Variants in USP9X observed in about 807,000 individuals in gnomAD.
The protein encoded by USP9X is ubiquitin specific peptidase 9 X-linked.
USP9X carries 7 observed loss-of-function variants against 190.3 expected under a neutral mutation model. That is an observed-to-expected ratio of 0.04 (90% CI 0.02 to 0.07). The LOEUF (loss-of-function observed/expected upper bound fraction) is 0.07. USP9X is among the 10% of genes least tolerant of loss of function. The probability of loss-of-function intolerance (pLI) is 1.00; values close to 1 mark genes in which losing one functional copy is unlikely to be tolerated. For missense variants in USP9X, 1,010 were observed against 1,916.9 expected (o/e 0.53, Z 8.83); for synonymous variants, 645 against 659.5 (o/e 0.98, Z 0.34).
At chrX:41,175,772 T>C (rs770155519) in intron 21 of USP9X, among the ~76,000 whole-genome samples, 38 of 110,166 alleles carry the variant, frequency 3.4e-4, no homozygotes, top group Admixed American at 1.1e-3. Flanking sequence ...ACTATATATA[T>C]ACACACACAC....
chrX:41,189,328 C>G lies in USP9X; in HGVS notation c.3830C>G (p.Pro1277Arg). 1.7e-6 allele frequency: 2 copies of G among 1,209,695 alleles called. No homozygotes were observed. Among genetic ancestry groups the G allele is most frequent in the Non-Finnish European group, 2.2e-6 (2 of 894,463 alleles). ...IYEKTNAGNE[P>R]DLEDEQVCCE... Reference sequence around the variant, plus strand: ...TTACAGACCAATGCAGGCAATGAGCCAGACTTGGAAGACGAACAGGTTTGC... The same window carrying G: ...TTACAGACCAATGCAGGCAATGAGCGAGACTTGGAAGACGAACAGGTTTGC... The change falls in exon 26 of 45, where the codon CCA (proline) becomes CGA (arginine). Residue 1277 changes from proline to arginine, a missense_variant. By Grantham distance (103) the Pro-to-Arg change is moderately radical (BLOSUM62 -2). Coordinates refer to ENST00000378308, the MANE Select transcript of USP9X (RefSeq NM_001039591.3).
chrX:41,229,837 T>C (rs1602059361), intron 43 of USP9X, 58 bp downstream of exon 43: 1 of 1,204,138 alleles, frequency 8.3e-7, no homozygotes, highest in Non-Finnish European at 1.1e-6. Context: ...AGTAATTCTT[T>C]ATTTTATAGG....
chrX:41,208,852 C>T (rs895426321), intron 32 of USP9X, among the ~76,000 whole-genome samples: 3 of 110,199 alleles, frequency 2.7e-5, no homozygotes, highest in South Asian at 3.9e-4. Flanking sequence ...GGACTACAGG[C>T]GCCTGCCACC....
chrX:41,102,786 C>G (rs2062043614), intron 1 of USP9X, among the ~76,000 whole-genome samples: 1 of 93,605 alleles, frequency 1.1e-5, no homozygotes, highest in African/African-American at 3.9e-5. Context: ...TAACAGATAA[C>G]TTTGAGTTTA....
intron 1 of USP9X, among the ~76,000 whole-genome samples, chrX:41,088,384 A>G (rs1024170603): frequency 1.8e-5 from 2 of 111,987 alleles, no homozygotes; most frequent in African/African-American, 6.5e-5. Context: ...GGTGGTAATA[A>G]TGCAGCTTAT....
At chrX:41,091,543 TAGAA>T in intron 1 of USP9X, among the ~76,000 whole-genome samples, 1 of 112,722 alleles carries the variant, frequency 8.9e-6, no homozygotes, top group Non-Finnish European at 1.9e-5. Context: ...CCTTAGCACC[TAGAA>T]AGTGCCTGGC....
intron 12 of USP9X, among the ~76,000 whole-genome samples, chrX:41,150,101 A>G (rs1014904724): frequency 9.9e-5 from 11 of 110,719 alleles, no homozygotes; most frequent in African/African-American, 3.6e-4. Context: ...TGCTGCCGAA[A>G]AAGGAATATC....
intron 31 of USP9X, among the ~76,000 whole-genome samples, chrX:41,202,194 A>G (rs1296188331): frequency 1.8e-5 from 2 of 112,009 alleles, no homozygotes; most frequent in African/African-American, 6.5e-5. Flanking sequence ...TTTCCCTTAG[A>G]TCATAGCTCT....
At chrX:41,172,215 G>A (rs1016435144) in intron 21 of USP9X, among the ~76,000 whole-genome samples, 2 of 111,526 alleles carry the variant, frequency 1.8e-5, no homozygotes, top group African/African-American at 6.5e-5. Flanking sequence ...AAATTTTAGT[G>A]TCCATGATCA....
intron 1 of USP9X, among the ~76,000 whole-genome samples, chrX:41,120,207 C>T (rs1034368107): frequency 5.4e-5 from 6 of 111,048 alleles, no homozygotes; most frequent in Non-Finnish European, 9.4e-5. Flanking sequence ...CTATGGACTC[C>T]CTGGGTTGGA....
intron 31 of USP9X, among the ~76,000 whole-genome samples, chrX:41,201,996 A>T (rs1250001101): frequency 2.7e-5 from 3 of 111,933 alleles, no homozygotes; most frequent in Non-Finnish European, 5.7e-5. Context: ...CAGTTAATGT[A>T]CTCGTGTTTT....
At chrX:41,211,876 G>A (rs1446104769) in intron 33 of USP9X, among the ~76,000 whole-genome samples, 6 of 108,793 alleles carry the variant, frequency 5.5e-5, no homozygotes, top group Non-Finnish European at 1.2e-4. Flanking sequence ...CGCCCCATCC[G>A]GGAGGTGAGG....
At chrX:41,149,197 G>A (rs1015134879) in intron 12 of USP9X, among the ~76,000 whole-genome samples, 1 of 111,887 alleles carries the variant, frequency 8.9e-6, no homozygotes, top group Admixed American at 9.4e-5. Flanking sequence ...TGACAGTTCG[G>A]TAAGTATTTA....
At position 41,144,596 on chromosome X, in the gene USP9X, A is replaced by G. The variant is rs868004971; in HGVS notation, c.1389A>G (p.Glu463=). 8.3e-7 allele frequency: 1 copy of G among 1,206,420 alleles called. No homozygotes were observed. Among genetic ancestry groups the G allele is most frequent in the African/African-American group, 1.8e-5 (1 of 56,962 alleles). Residue 463 remains glutamate (E), a synonymous_variant, in exon 11 of 45, where the codon GAA becomes GAG. Transcript: ENST00000378308. ...LAKLAWDFSP[E]QLDHLFDCFK... ...AATTGGCATGGGATTTTTCTCCTGA[A>G]CAACTTGATCATCTTTTTGATTGTT...
intron 31 of USP9X, among the ~76,000 whole-genome samples, chrX:41,203,038 C>T (rs1034293145): frequency 9.0e-6 from 1 of 111,210 alleles, no homozygotes; most frequent in African/African-American, 3.3e-5. Context: ...ATTTCTATAT[C>T]AGAGTTATCA....
At chrX:41,146,777 T>C (rs758283506) in intron 11 of USP9X, among the ~76,000 whole-genome samples, 1 of 103,111 alleles carries the variant, frequency 9.7e-6, no homozygotes, top group South Asian at 4.7e-4. Context: ...TGCTAATCTT[T>C]GTCAGTTCAA....
At chrX:41,088,691 G>A (rs73478494) in intron 1 of USP9X, among the ~76,000 whole-genome samples, 1 of 110,961 alleles carries the variant, frequency 9.0e-6, no homozygotes, top group African/African-American at 3.3e-5. Context: ...CTGAAAGAAC[G>A]TATTACTTTT....
rs1659966386 is a variant in USP9X at position 41,229,680 on chromosome X, C to T, written c.7332C>T (p.Pro2444=). Reference sequence around the variant, plus strand: ...AGTACACTTACAACAATTGGTCTCCCCCAGTGCAAAGCAATGAAACGTCCA... The same window carrying T: ...AGTACACTTACAACAATTGGTCTCCTCCAGTGCAAAGCAATGAAACGTCCA... ...NPQYTYNNWS[P]PVQSNETSNG... Residue 2444 remains proline (P), a synonymous_variant, in exon 43 of 45, where the codon CCC becomes CCT. Transcript: ENST00000378308. 17 of 1,211,400 alleles carry T rather than the reference C, an allele frequency of 1.4e-5. No homozygotes were observed. Among genetic ancestry groups the T allele is most frequent in the Non-Finnish European group, 1.9e-5 (17 of 895,457 alleles).
At position 41,197,351 on chromosome X, in the gene USP9X, C is replaced by CCCCCCGGGGGG; in HGVS notation, c.4234-12_4234-11insCCCCGGGGGGC. On this transcript the variant is annotated splice_polypyrimidine_tract_variant and intron_variant, in intron 28 of 44. Transcript: ENST00000378308. Reference sequence around the variant, plus strand: ...TTTCTTCCCCCCCCCACCCCACCCCCCGCCTTTGGCAGGATGATGTTAAAA... The same window carrying CCCCCCGGGGGG: ...TTTCTTCCCCCCCCCACCCCACCCCCCCCCCGGGGGGCGCCTTTGGCAGGATGATGTTAAAA... The CCCCCCGGGGGG allele has an allele frequency of 1.1e-6, 1 of 939,387 alleles. No individual in the cohort carries two copies. Among genetic ancestry groups the CCCCCCGGGGGG allele is most frequent in the Non-Finnish European group, 1.4e-6 (1 of 728,821 alleles). The allele number at this position is 939,387 out of a possible 1,213,427, so 77.4% of individuals were successfully genotyped here. A position where few individuals can be genotyped will look rare whatever the true frequency, so the allele number is the denominator to read the frequency against.
Sources: gnomAD v4.1 joint callset for allele counts (sites outside exome capture counted in the v4.1 genomes callset) on GRCh38, gnomAD v4.1.1 for gene constraint, MANE v1.5 for transcripts, NCBI Gene and HGNC (gene_info 2026-07-23, HGNC 2026-07-21) for gene names.